Variants in CNTNAP4 observed in about 807,000 individuals in gnomAD.
The protein encoded by CNTNAP4 is contactin-associated protein-like 4.
A neutral mutation model predicts 148.4 loss-of-function variants in CNTNAP4; 98 were observed. The observed-to-expected ratio is 0.66, with a 90% confidence interval of 0.56 to 0.78. The LOEUF is 0.78. Ranked by LOEUF, CNTNAP4 falls within the 30% of genes least tolerant of loss-of-function variation. The pLI is 0.00. For synonymous variants in CNTNAP4, 730 were observed against 565.1 expected (o/e 1.29, Z -4.14); for missense variants, 1,935 against 1,565.6 (o/e 1.24, Z -3.98).
Position 76,460,488 on chromosome 16 carries a change from G to A in CNTNAP4, c.1334-1468G>A, listed in dbSNP as rs574742783. 2.9e-3 allele frequency among the ~76,000 whole-genome samples: 443 copies of A among 150,556 alleles called. 1 individual carries two copies. Among genetic ancestry groups the A allele is most frequent in the African/African-American group, 0.01 (429 of 41,160 alleles). ...CATAAGAATATAGTTAGGGCCAGGC[G>A]CGGTGGCTCACGCCTGTAATCCCAG... On this transcript the variant is annotated intron_variant, in intron 8 of 23. Transcript: ENST00000611870.
At chr16:76,283,801 G>T (rs1197107710) in intron 1 of CNTNAP4, among the ~76,000 whole-genome samples, 1 of 151,866 alleles carries the variant, frequency 6.6e-6, no homozygotes, top group Non-Finnish European at 1.5e-5. Flanking sequence ...TTGTACCCCT[G>T]AACTTAAAAA....
chr16:76,488,065 A>C (rs952954305), intron 12 of CNTNAP4, among the ~76,000 whole-genome samples: 1 of 152,176 alleles, frequency 6.6e-6, no homozygotes, highest in African/African-American at 2.4e-5. Context: ...AACAGAGTCC[A>C]ACAGTGGCTA....
chr16:76,380,795 G>A (rs8057832), intron 3 of CNTNAP4, among the ~76,000 whole-genome samples: 24,325 of 152,108 alleles, frequency 0.16, 2,530 homozygotes, highest in East Asian at 0.44. Flanking sequence ...AGCAGTTACC[G>A]AGGGTGGAAC....
At chr16:76,462,580 A>G (rs1440886965) in intron 9 of CNTNAP4, among the ~76,000 whole-genome samples, 1 of 152,216 alleles carries the variant, frequency 6.6e-6, no homozygotes. Flanking sequence ...CTTGTTAAGC[A>G]TAATGCACTG....
intron 2 of CNTNAP4, among the ~76,000 whole-genome samples, chr16:76,331,689 C>T (rs1597219805): frequency 1.3e-5 from 2 of 152,144 alleles, no homozygotes; most frequent in Admixed American, 1.3e-4. Flanking sequence ...TATGCACTAA[C>T]ATAGACACAT....
chr16:76,532,370 T>C (rs2084023163), intron 17 of CNTNAP4, among the ~76,000 whole-genome samples: 1 of 152,172 alleles, frequency 6.6e-6, no homozygotes, highest in African/African-American at 2.4e-5. Flanking sequence ...GGACCAATCT[T>C]TGAAATTCTC....
At chr16:76,352,585 C>T (rs911584649) in intron 2 of CNTNAP4, among the ~76,000 whole-genome samples, 1 of 152,082 alleles carries the variant, frequency 6.6e-6, no homozygotes, top group Admixed American at 6.6e-5. Context: ...ATCTGATGCA[C>T]CATCTACTAT....
intron 15 of CNTNAP4, among the ~76,000 whole-genome samples, chr16:76,505,212 C>G (rs1251096536): frequency 2.0e-5 from 3 of 152,106 alleles, no homozygotes; most frequent in South Asian, 2.1e-4. Context: ...GAAAACCACT[C>G]AAATGTTTAT....
At chr16:76,556,221 C>T (rs1002236174) in intron 23 of CNTNAP4, among the ~76,000 whole-genome samples, 3 of 151,970 alleles carry the variant, frequency 2.0e-5, no homozygotes, top group Non-Finnish European at 4.4e-5. Context: ...GGTTTCTGGC[C>T]AGGCTACCCA....
chr16:76,303,764 A>T (rs895552465), intron 1 of CNTNAP4, among the ~76,000 whole-genome samples: 5 of 152,204 alleles, frequency 3.3e-5, no homozygotes, highest in African/African-American at 1.2e-4. Context: ...TGTAAAGAAA[A>T]CTATGGTCTT....
At chr16:76,435,468 A>C (rs1467945244) in intron 4 of CNTNAP4, among the ~76,000 whole-genome samples, 3 of 152,154 alleles carry the variant, frequency 2.0e-5, no homozygotes, top group African/African-American at 7.2e-5. Context: ...CTCAGGATCC[A>C]GTTATTCCCA....
chr16:76,366,924 C>T (rs559343229), intron 3 of CNTNAP4, among the ~76,000 whole-genome samples: 81 of 152,134 alleles, frequency 5.3e-4, no homozygotes, highest in African/African-American at 1.9e-3. Context: ...TATTCATTCT[C>T]CCTAAAATCA....
chr16:76,464,808 T>A (rs190476251), intron 9 of CNTNAP4, among the ~76,000 whole-genome samples: 1 of 152,200 alleles, frequency 6.6e-6, no homozygotes, highest in Non-Finnish European at 1.5e-5. Context: ...ACTCTGTAGC[T>A]TTTTTTCCAC....
intron 1 of CNTNAP4, 23 bp from the exon 2 acceptor site, chr16:76,316,390 C>G (rs781464979): frequency 4.6e-6 from 7 of 1,535,492 alleles, no homozygotes; most frequent in Non-Finnish European, 5.4e-6. Context: ...CTAACCCTAA[C>G]GTGGCATTGT....
At chr16:76,339,717 C>G (rs1468133228) in intron 2 of CNTNAP4, among the ~76,000 whole-genome samples, 1 of 152,160 alleles carries the variant, frequency 6.6e-6, no homozygotes, top group African/African-American at 2.4e-5. Flanking sequence ...TTCCATTTCT[C>G]TGAATTTGGC....
chr16:76,344,643 G>A lies in CNTNAP4; in HGVS notation c.197-10675G>A, dbSNP rs370718411. Among the ~76,000 whole-genome samples, 4 of 152,292 alleles carry A rather than the reference G, an allele frequency of 2.6e-5. No homozygotes were observed. In the South Asian group the frequency reaches 6.2e-4, roughly 24 times the overall value. ...AACACAAAATACTCCATATTTTTCA[G>A]TGTTGTCAAAACTTTAGCAGTTATG... On this transcript the variant is annotated intron_variant, in intron 2 of 23. Coordinates refer to ENST00000611870, the MANE Select transcript of CNTNAP4 (RefSeq NM_033401.5).
intron 12 of CNTNAP4, among the ~76,000 whole-genome samples, chr16:76,486,504 C>G (rs1440072217): frequency 2.0e-5 from 3 of 151,104 alleles, no homozygotes; most frequent in Non-Finnish European, 1.5e-5. Flanking sequence ...TGTCTACAGA[C>G]AAGACAAGAA....
chr16:76,497,840 A>T (rs2082456760), intron 14 of CNTNAP4, among the ~76,000 whole-genome samples: 1 of 152,128 alleles, frequency 6.6e-6, no homozygotes, highest in Admixed American at 6.5e-5. Context: ...CTTAAAGTAT[A>T]ATAAAATAAA....
intron 17 of CNTNAP4, among the ~76,000 whole-genome samples, chr16:76,527,342 C>T (rs1487445587): frequency 1.3e-5 from 2 of 152,030 alleles, no homozygotes; most frequent in Non-Finnish European, 2.9e-5. Context: ...CTGGTGACTC[C>T]GTGGGTGACT....
Sources: gnomAD v4.1 joint callset for allele counts (sites outside exome capture counted in the v4.1 genomes callset) on GRCh38, gnomAD v4.1.1 for gene constraint, MANE v1.5 for transcripts, NCBI Gene and HGNC (gene_info 2026-07-23, HGNC 2026-07-21) for gene names.